CDC42BPA: variants seen among roughly 807,000 people sequenced by gnomAD.
CDC42BPA encodes the protein CDC42 binding protein kinase alpha.
A neutral mutation model predicts 223.5 loss-of-function variants in CDC42BPA; 80 were observed. The observed-to-expected ratio is 0.36, with a 90% CI of 0.30 to 0.43. The LOEUF (loss-of-function observed/expected upper bound fraction) is 0.43, where lower values mean the gene tolerates loss of function less well. CDC42BPA is among the 20% of genes least tolerant of loss of function. The pLI, the probability that CDC42BPA is intolerant of heterozygous loss-of-function variation, is 1.00. For synonymous variants in CDC42BPA, 694 were observed against 718.6 expected, an observed-to-expected ratio of 0.97 and a Z score of 0.55; for missense variants, 1,743 against 2,099.9, an observed-to-expected ratio of 0.83 and a Z score of 3.32.
At chr1:227,155,430 G>C (rs1377937029) in intron 6 of CDC42BPA, among the ~76,000 whole-genome samples, 1 of 152,150 alleles carries the variant, frequency 6.6e-6, no homozygotes, top group African/African-American at 2.4e-5. Flanking sequence ...TCCTCAGGCA[G>C]CTATCACCAC....
At chr1:227,133,776 G>A (rs375209516) in intron 10 of CDC42BPA, among the ~76,000 whole-genome samples, 15,984 of 151,188 alleles carry the variant, frequency 0.11, 873 homozygotes, top group African/African-American at 0.15. Flanking sequence ...CATGCTCGTT[G>A]AGAGTCATCA....
intron 2 of CDC42BPA, among the ~76,000 whole-genome samples, chr1:227,229,546 G>T (rs1397293487): frequency 6.6e-6 from 1 of 152,122 alleles, no homozygotes; most frequent in Non-Finnish European, 1.5e-5. Context: ...TACCAGAAAG[G>T]TACCTTGAAT....
chr1:227,240,824 T>C (rs1679891206), intron 2 of CDC42BPA, among the ~76,000 whole-genome samples: 1 of 151,642 alleles, frequency 6.6e-6, no homozygotes, highest in African/African-American at 2.4e-5. Flanking sequence ...GTGATCTGAG[T>C]ATAAACAAGG....
intron 5 of CDC42BPA, among the ~76,000 whole-genome samples, chr1:227,169,000 A>G (rs1254077260): frequency 6.6e-6 from 1 of 151,974 alleles, no homozygotes; most frequent in Non-Finnish European, 1.5e-5. Flanking sequence ...TGTTACCTTC[A>G]ATAACTTCTG....
intron 5 of CDC42BPA, among the ~76,000 whole-genome samples, chr1:227,177,769 C>T (rs1190845967): frequency 6.6e-6 from 1 of 152,126 alleles, no homozygotes; most frequent in Non-Finnish European, 1.5e-5. Context: ...ATTCTCTCTA[C>T]CTGGAACTCC....
chr1:227,263,971 TTAGTA>T lies in CDC42BPA; in HGVS notation c.179-9821_179-9817del, dbSNP rs576462289. 2.9e-3 allele frequency among the ~76,000 whole-genome samples: 440 copies of T among 152,294 alleles called. 1 individual carries two copies. Among genetic ancestry groups the T allele is most frequent in the African/African-American group, 0.01 (424 of 41,566 alleles). ...TTAGTCTAAATTCATGCCCTGCTCT[TTAGTA>T]TAGTAACTCCAGATATATGTTCCAC... On this transcript the variant is annotated intron_variant, in intron 1 of 36. Coordinates refer to ENST00000366766, the MANE Select transcript of CDC42BPA (RefSeq NM_001394014.1).
At chr1:227,034,521 T>C in intron 26 of CDC42BPA, 134 bp downstream of exon 26, 1 of 782,820 alleles carries the variant, frequency 1.3e-6, no homozygotes, top group South Asian at 1.9e-5. Context: ...TCTGTTTCTA[T>C]AGCAATATTA....
intron 10 of CDC42BPA, among the ~76,000 whole-genome samples, chr1:227,135,679 C>T (rs914236580): frequency 6.6e-6 from 1 of 151,704 alleles, no homozygotes; most frequent in African/African-American, 2.4e-5. Context: ...ATGGTGAAAC[C>T]TTGTCTCTAC....
intron 20 of CDC42BPA, among the ~76,000 whole-genome samples, chr1:227,070,071 T>C (rs1677955901): frequency 6.6e-6 from 1 of 151,922 alleles, no homozygotes; most frequent in Non-Finnish European, 1.5e-5. Flanking sequence ...ATGAAATGCT[T>C]ATTTATGTTA....
rs968183194 is a variant in CDC42BPA, at chr1:227,040,238, T to C, written c.3094-2A>G. ...TACAAAAAACTGGTGAGTCTTGCGC[T>C]GCAAAACAAATTGATAAAAAAACAC... is the stretch of plus-strand genomic sequence containing the variant. On this transcript the variant is annotated splice_acceptor_variant, in intron 23 of 36. Coordinates refer to ENST00000366766, the MANE Select transcript of CDC42BPA (RefSeq NM_001394014.1). LOFTEE classifies it high-confidence loss of function. 6.3e-7 allele frequency: 1 copy of C among 1,582,730 alleles called. No homozygotes were observed. Among genetic ancestry groups the C allele is most frequent in the African/African-American group, 1.3e-5 (1 of 74,340 alleles).
intron 1 of CDC42BPA, among the ~76,000 whole-genome samples, chr1:227,285,209 T>C (rs990289375): frequency 7.2e-5 from 11 of 152,220 alleles, no homozygotes; most frequent in Non-Finnish European, 1.5e-4. Flanking sequence ...CTATGATTCT[T>C]AATCAGAAGA....
chr1:227,188,331 A>C (rs1280040096), intron 5 of CDC42BPA, among the ~76,000 whole-genome samples: 4 of 152,132 alleles, frequency 2.6e-5, no homozygotes. Flanking sequence ...ATTAGTTGTA[A>C]ATTTATATTG....
intron 17 of CDC42BPA, among the ~76,000 whole-genome samples, chr1:227,077,085 T>C (rs1679644079): frequency 1.3e-5 from 2 of 152,216 alleles, no homozygotes; most frequent in Non-Finnish European, 1.5e-5. Flanking sequence ...ACTATTGCAT[T>C]GGGCATATTG....
Position 227,317,138 on chromosome 1 carries a change from C to T in CDC42BPA, c.45G>A (p.Leu15=), listed in dbSNP as rs200600700. ...VRLRQLEQFI[L]DGPAQTNGQC... is the part of the protein sequence containing the mutation. ...GCCCATTGGTCTGAGCGGGCCCGTCCAAAATAAACTGCTCCAACTGCCTCA... is the reference window on the plus strand; with the variant it reads ...GCCCATTGGTCTGAGCGGGCCCGTCTAAAATAAACTGCTCCAACTGCCTCA... Residue 15 remains leucine (L), a synonymous_variant, in exon 1 of 37, where the codon TTG becomes TTA. Coordinates refer to ENST00000366766, the MANE Select transcript of CDC42BPA (RefSeq NM_001394014.1). The T allele has an allele frequency of 6.2e-7, 1 of 1,613,854 alleles. No individual in the cohort carries two copies. Among genetic ancestry groups the T allele is most frequent in the African/African-American group, 1.3e-5 (1 of 75,036 alleles).
chr1:227,209,768 AT>A (rs1673532195), intron 3 of CDC42BPA, among the ~76,000 whole-genome samples: 1 of 149,774 alleles, frequency 6.7e-6, no homozygotes, highest in African/African-American at 2.5e-5. Context: ...CCAGTATTTT[AT>A]TGAGGATTTT....
At chr1:227,025,947 T>TA in intron 31 of CDC42BPA, 108 bp downstream of exon 31, 1 of 642,314 alleles carries the variant, frequency 1.6e-6, no homozygotes, top group South Asian at 1.9e-5. Context: ...AACTGCCAAT[T>TA]ACACATTCCA....
intron 2 of CDC42BPA, among the ~76,000 whole-genome samples, chr1:227,213,665 T>G (rs1674330178): frequency 6.6e-6 from 1 of 152,088 alleles, no homozygotes; most frequent in African/African-American, 2.4e-5. Flanking sequence ...AACAAATATG[T>G]TTTGTGAGGA....
At chr1:227,153,735 A>T (rs1248767642) in intron 6 of CDC42BPA, among the ~76,000 whole-genome samples, 2 of 151,934 alleles carry the variant, frequency 1.3e-5, no homozygotes, top group African/African-American at 4.8e-5. Context: ...AATTTGAATC[A>T]ATAGTACAAA....
intron 1 of CDC42BPA, among the ~76,000 whole-genome samples, chr1:227,297,958 A>ATG (rs2148707106): frequency 9.0e-6 from 1 of 111,272 alleles, no homozygotes; most frequent in East Asian, 2.7e-4. Context: ...GTGTGTGTAT[A>ATG]TATACATATA....
Sources: allele counts gnomAD v4.1 joint callset (sites outside exome capture counted in the v4.1 genomes callset), GRCh38; gene constraint gnomAD v4.1.1; transcripts MANE v1.5; gene names NCBI Gene and HGNC (gene_info 2026-07-23, HGNC 2026-07-21).